The following CDC45 variants were observed in gnomAD, a reference collection of about 807,000 sequenced individuals.
The protein encoded by CDC45 is cell division control protein 45 homolog.
A neutral mutation model predicts 77.8 loss-of-function variants in CDC45; 54 were observed. That is an observed-to-expected ratio of 0.69 (90% CI 0.56 to 0.87). The LOEUF (loss-of-function observed/expected upper bound fraction) is 0.87. Ranked by LOEUF, CDC45 falls within the 40% of genes least tolerant of loss-of-function variation. The probability of loss-of-function intolerance (pLI) is 0.00; values close to 1 mark genes in which losing one functional copy is unlikely to be tolerated. For synonymous variants in CDC45, 260 were observed against 272.1 expected (o/e 0.96, Z 0.44); for missense variants, 649 against 721.6 (o/e 0.90, Z 1.15).
chr22:19,480,316 G>T lies in CDC45; in HGVS notation c.111+99G>T, dbSNP rs928513010. The stretch of plus-strand genomic sequence containing the variant: ...CAGAGTGTCAGGATGGGTGCTGAGG[G>T]CTTAGGGTGGGAGAGGGAGCAGGGC... On this transcript the variant is annotated intron_variant, in intron 2 of 18. Coordinates refer to ENST00000263201, the MANE Select transcript of CDC45 (RefSeq NM_003504.5). 1.2e-5 allele frequency: 13 copies of T among 1,107,184 alleles called. No homozygotes were observed. The African/African-American group carries it at 2.0e-4, about 17-fold the overall frequency. The allele number at this position is 1,107,184 out of a possible 1,614,324, so 68.6% of individuals were successfully genotyped here. A position where few individuals can be genotyped will look rare whatever the true frequency, so the allele number is the denominator to read the frequency against.
chr22:19,518,947 C>CA, intron 18 of CDC45, 38 bp downstream of exon 18: 1 of 1,519,012 alleles, frequency 6.6e-7, no homozygotes, highest in Non-Finnish European at 9.1e-7. Context: ...GCTGCAGCAG[C>CA]CCCCTCAGAG....
In CDC45 at chr22:19,514,826, G is replaced by C. The variant is rs755822745; in HGVS notation, c.1295G>C (p.Ser432Thr). ...QLRATQQTIA[S>T]CLCTNLVISQ... ...CGAGCCACCCAGCAGACCATTGCCA[G>C]CTGCCTTTGCACCAACCTCGTCATC... is the stretch of plus-strand genomic sequence containing the variant. Residue 432 changes from serine to threonine, a missense_variant, in exon 14 of 19, where the codon AGC becomes ACC. Ser to Thr is a moderately conservative substitution (Grantham distance 58). Transcript: ENST00000263201. 8.1e-6 allele frequency: 13 copies of C among 1,614,060 alleles called. No individual in the cohort carries two copies. Among genetic ancestry groups the C allele is most frequent in the Middle Eastern group, 1.6e-4 (1 of 6,084 alleles).
rs148163810 is a variant in CDC45 at position 19,496,849 on chromosome 22, G to A, written c.592-537G>A. Among the ~76,000 whole-genome samples the A allele has an allele frequency of 2.0e-5, 3 of 152,272 alleles. No individual in the cohort carries two copies. In the East Asian group the frequency reaches 5.8e-4, roughly 29 times the overall value. On this transcript the variant is annotated intron_variant, in intron 7 of 18. Coordinates refer to ENST00000263201, the MANE Select transcript of CDC45 (RefSeq NM_003504.5). ...TCTGCTTATGGGAGTTAAATGCTCC[G>A]ATGTGGACAGCCCTGTTGGAAAGAG...
intron 9 of CDC45, among the ~76,000 whole-genome samples, chr22:19,502,870 G>T (rs1932952988): frequency 6.6e-6 from 1 of 152,108 alleles, no homozygotes; most frequent in Non-Finnish European, 1.5e-5. Flanking sequence ...AATACCAGTA[G>T]CTTAATAATA....
chr22:19,505,048 C>T, intron 9 of CDC45: 1 of 362,270 alleles, frequency 2.8e-6, no homozygotes, highest in Non-Finnish European at 5.2e-6. Flanking sequence ...GCTGTGGATC[C>T]CTGTCACTTA....
intron 10 of CDC45, among the ~76,000 whole-genome samples, chr22:19,506,132 C>T (rs1933157442): frequency 6.6e-6 from 1 of 152,202 alleles, no homozygotes; most frequent in Admixed American, 6.5e-5. Context: ...TTGGCCCAAA[C>T]TGCAGCAGTG....
intron 6 of CDC45, 96 bp downstream of exon 6, chr22:19,494,478 A>G: frequency 6.4e-7 from 1 of 1,570,510 alleles, no homozygotes; most frequent in Non-Finnish European, 8.7e-7. Flanking sequence ...TCTCAGGATA[A>G]TTTATTGAGT....
intron 5 of CDC45, among the ~76,000 whole-genome samples, chr22:19,486,955 C>T (rs1413346389): frequency 6.6e-6 from 1 of 151,124 alleles, no homozygotes; most frequent in Non-Finnish European, 1.5e-5. Flanking sequence ...GGATTACAGG[C>T]GTGAGCCACC....
At chr22:19,502,616 A>C (rs1460562280) in intron 9 of CDC45, among the ~76,000 whole-genome samples, 1 of 152,234 alleles carries the variant, frequency 6.6e-6, no homozygotes, top group African/African-American at 2.4e-5. Flanking sequence ...TTTCTGACAA[A>C]ATTGGAACCA....
chr22:19,501,711 T>C (rs1484389838), intron 9 of CDC45, among the ~76,000 whole-genome samples: 1 of 152,218 alleles, frequency 6.6e-6, no homozygotes, highest in African/African-American at 2.4e-5. Flanking sequence ...AATTATTTTA[T>C]TGTTAACCTT....
intron 6 of CDC45, 116 bp from the exon 7 acceptor site, chr22:19,495,865 G>GTAC: frequency 1.3e-6 from 1 of 774,188 alleles, no homozygotes; most frequent in Non-Finnish European, 2.3e-6. Context: ...AAAACAAATA[G>GTAC]TACCATGATT....
chr22:19,494,660 C>T, intron 6 of CDC45: 2 of 1,098,070 alleles, frequency 1.8e-6, no homozygotes, highest in Non-Finnish European at 2.7e-6. Flanking sequence ...CAAGTTTTTC[C>T]AATGTAGATA....
chr22:19,479,859 G>T, upstream of CDC45: 2 of 1,066,568 alleles, frequency 1.9e-6, no homozygotes, highest in South Asian at 1.3e-5. Flanking sequence ...AGAAGCTATT[G>T]GTTGGTGATC....
At chr22:19,495,649 C>G (rs2090228348) in intron 6 of CDC45, among the ~76,000 whole-genome samples, 1 of 152,148 alleles carries the variant, frequency 6.6e-6, no homozygotes, top group Non-Finnish European at 1.5e-5. Flanking sequence ...GAGACTTTGT[C>G]TCTATTAAAA....
At chr22:19,501,971 C>G (rs1228648101) in intron 9 of CDC45, among the ~76,000 whole-genome samples, 3 of 152,176 alleles carry the variant, frequency 2.0e-5, no homozygotes, top group South Asian at 2.1e-4. Flanking sequence ...CCCTCCTCAG[C>G]TTCCCAAAGT....
chr22:19,504,055 C>G (rs373391923), intron 9 of CDC45, among the ~76,000 whole-genome samples: 2 of 152,224 alleles, frequency 1.3e-5, no homozygotes, highest in Non-Finnish European at 2.9e-5. Flanking sequence ...CACTGAACAG[C>G]GAAGGCGCAC....
intron 8 of CDC45, 50 bp from the exon 9 acceptor site, chr22:19,499,051 T>A (rs2090293916): frequency 1.3e-6 from 2 of 1,591,934 alleles, no homozygotes; most frequent in Non-Finnish European, 1.7e-6. Flanking sequence ...CCAGGCCTCA[T>A]TGAGCCCAGG....
At chr22:19,492,549 G>A (rs562644194) in intron 5 of CDC45, among the ~76,000 whole-genome samples, 2 of 152,124 alleles carry the variant, frequency 1.3e-5, no homozygotes, top group African/African-American at 4.8e-5. Context: ...TTTTATGATG[G>A]CTGCTTTAAA....
intron 3 of CDC45, among the ~76,000 whole-genome samples, chr22:19,482,226 A>G (rs2089994640): frequency 6.6e-6 from 1 of 152,216 alleles, no homozygotes; most frequent in African/African-American, 2.4e-5. Context: ...GACCCGCACC[A>G]GCTTGGTATT....
Sources: gnomAD v4.1 joint callset for allele counts (sites outside exome capture counted in the v4.1 genomes callset) on GRCh38, gnomAD v4.1.1 for gene constraint, MANE v1.5 for transcripts, NCBI Gene and HGNC (gene_info 2026-07-23, HGNC 2026-07-21) for gene names.